Variants in PTPRD observed in about 807,000 individuals in gnomAD.
The protein encoded by PTPRD is receptor-type tyrosine-protein phosphatase delta.
PTPRD carries 34 observed loss-of-function variants against 214.5 expected under a neutral mutation model. The ratio of observed to expected loss-of-function variants is 0.16; its 90% CI spans 0.12 to 0.21. The LOEUF (loss-of-function observed/expected upper bound fraction) is 0.21, where lower values mean the gene tolerates loss of function less well. Among genes scored for constraint, PTPRD ranks in the 10% least tolerant of loss-of-function variants. The pLI is 1.00. For synonymous variants in PTPRD, 1,128 were observed against 845.7 expected, an observed-to-expected ratio of 1.33 and a Z score of -5.79; for missense variants, 2,545 against 2,398.7, an observed-to-expected ratio of 1.06 and a Z score of -1.27.
chr9:10,516,544 C>A (rs1285045498), intron 2 of PTPRD, among the ~76,000 whole-genome samples: 1 of 151,908 alleles, frequency 6.6e-6, no homozygotes, highest in Non-Finnish European at 1.5e-5. Context: ...CTGTTGATTG[C>A]TCTCTTTGCT....
chr9:10,048,236 C>A (rs1339830157), intron 3 of PTPRD, among the ~76,000 whole-genome samples: 6 of 149,388 alleles, frequency 4.0e-5, no homozygotes, highest in African/African-American at 1.5e-4. Flanking sequence ...CCTTTGTACT[C>A]CTTGTTCTGC....
chr9:10,333,750 C>G (rs144924067), intron 3 of PTPRD, among the ~76,000 whole-genome samples: 2 of 151,792 alleles, frequency 1.3e-5, no homozygotes, highest in Admixed American at 6.6e-5. Flanking sequence ...AAGCACAGTG[C>G]TGTTAGAAAA....
intron 2 of PTPRD, among the ~76,000 whole-genome samples, chr9:10,482,015 G>GA (rs1219431373): frequency 1.9e-4 from 29 of 151,696 alleles, no homozygotes; most frequent in African/African-American, 6.8e-4. Flanking sequence ...GGCATGGAGT[G>GA]AAAAAAAGAG....
rs542803464 is a variant in PTPRD, at chr9:8,334,122, T to A, written c.5380-2386A>T. Reference sequence around the variant, plus strand: ...TTAACACCCCACTGTCAATATTAGATCAATGACACAGAATATTAGCAAGGA... The same window carrying A: ...TTAACACCCCACTGTCAATATTAGAACAATGACACAGAATATTAGCAAGGA... On this transcript the variant is annotated intron_variant, in intron 43 of 45. Coordinates refer to ENST00000381196, the MANE Select transcript of PTPRD (RefSeq NM_002839.4). Among the ~76,000 whole-genome samples, 3 of 151,796 alleles carry A rather than the reference T, an allele frequency of 2.0e-5. No homozygotes were observed. The South Asian group carries it at 6.2e-4, about 32-fold the overall frequency.
chr9:8,508,873 ATATGTGTGTG>A (rs1225949516), intron 21 of PTPRD, among the ~76,000 whole-genome samples: 2 of 96,436 alleles, frequency 2.1e-5, no homozygotes, highest in African/African-American at 9.3e-5. Context: ...CTGTGTATAT[ATATGTGTGTG>A]TGTGTGTCTG....
At chr9:10,107,777 A>G (rs931320226) in intron 3 of PTPRD, among the ~76,000 whole-genome samples, 5 of 152,140 alleles carry the variant, frequency 3.3e-5, no homozygotes, top group Non-Finnish European at 7.4e-5. Flanking sequence ...GATAGACATT[A>G]GAACTGCAAT....
chr9:8,531,345 T>C (rs977749849), intron 14 of PTPRD, among the ~76,000 whole-genome samples: 1 of 152,044 alleles, frequency 6.6e-6, no homozygotes, highest in African/African-American at 2.4e-5. Context: ...TGCCAATATA[T>C]TTACATCTAC....
At chr9:9,775,704 G>C (rs1052698381) in intron 5 of PTPRD, among the ~76,000 whole-genome samples, 1 of 152,132 alleles carries the variant, frequency 6.6e-6, no homozygotes, top group East Asian at 1.9e-4. Context: ...AGCACTTTGG[G>C]AGGCCAAGGC....
intron 6 of PTPRD, among the ~76,000 whole-genome samples, chr9:9,739,063 A>G (rs1177838587): frequency 6.6e-6 from 1 of 152,154 alleles, no homozygotes; most frequent in African/African-American, 2.4e-5. Flanking sequence ...ATTCCTTTCA[A>G]TTTACTATCC....
At chr9:8,456,679 C>G (rs911100245) in intron 33 of PTPRD, among the ~76,000 whole-genome samples, 1 of 152,120 alleles carries the variant, frequency 6.6e-6, no homozygotes, top group Non-Finnish European at 1.5e-5. Flanking sequence ...AGTGTTGGAG[C>G]AGGAAAAGGC....
intron 2 of PTPRD, among the ~76,000 whole-genome samples, chr9:10,515,484 A>G (rs959912828): frequency 6.6e-6 from 1 of 152,046 alleles, no homozygotes; most frequent in African/African-American, 2.4e-5. Context: ...CTATGATCTT[A>G]TGAATAATGT....
chr9:8,396,408 C>T (rs2091183834), intron 36 of PTPRD, among the ~76,000 whole-genome samples: 3 of 152,060 alleles, frequency 2.0e-5, no homozygotes, highest in Non-Finnish European at 2.9e-5. Flanking sequence ...CAATCTGCTA[C>T]CTGTATCTAT....
intron 6 of PTPRD, among the ~76,000 whole-genome samples, chr9:9,765,497 C>T (rs2098699270): frequency 6.6e-6 from 1 of 152,116 alleles, no homozygotes; most frequent in South Asian, 2.1e-4. Flanking sequence ...CTCATCAAGT[C>T]ATGTGTGGGG....
chr9:8,330,608 A>G (rs1288547721), intron 44 of PTPRD, among the ~76,000 whole-genome samples: 3 of 152,184 alleles, frequency 2.0e-5, no homozygotes, highest in African/African-American at 7.2e-5. Flanking sequence ...TTTGCTTCTT[A>G]TAACATGCCT....
At chr9:9,047,691 C>A (rs2099675629) in intron 10 of PTPRD, among the ~76,000 whole-genome samples, 1 of 152,030 alleles carries the variant, frequency 6.6e-6, no homozygotes, top group Non-Finnish European at 1.5e-5. Flanking sequence ...AACTGGATAT[C>A]CATATGCAGA....
chr9:8,659,850 A>C (rs2096996195), intron 12 of PTPRD, among the ~76,000 whole-genome samples: 2 of 152,230 alleles, frequency 1.3e-5, no homozygotes, highest in Non-Finnish European at 2.9e-5. Flanking sequence ...TTCCTCTTCA[A>C]TGATGATATT....
intron 5 of PTPRD, among the ~76,000 whole-genome samples, chr9:9,843,920 G>C (rs1220565735): frequency 6.6e-6 from 1 of 151,860 alleles, no homozygotes; most frequent in African/African-American, 2.4e-5. Context: ...TCAGTTTGTG[G>C]GCTTAAGATT....
At chr9:8,747,881 C>G (rs1175857092) in intron 11 of PTPRD, among the ~76,000 whole-genome samples, 1 of 152,138 alleles carries the variant, frequency 6.6e-6, no homozygotes, top group Non-Finnish European at 1.5e-5. Flanking sequence ...GAAGTAATCC[C>G]CTGCACTGCA....
At chr9:8,797,743 T>C (rs2096473832) in intron 11 of PTPRD, among the ~76,000 whole-genome samples, 1 of 152,236 alleles carries the variant, frequency 6.6e-6, no homozygotes, top group Admixed American at 6.5e-5. Context: ...GATATTTGCA[T>C]ATTTGTCTTT....
Sources: gnomAD v4.1 joint callset for allele counts (sites outside exome capture counted in the v4.1 genomes callset) on GRCh38, gnomAD v4.1.1 for gene constraint, MANE v1.5 for transcripts, NCBI Gene and HGNC (gene_info 2026-07-23, HGNC 2026-07-21) for gene names.